The following PIK3R5 variants were observed in gnomAD, a reference collection of about 807,000 sequenced individuals.
PIK3R5 encodes phosphoinositide-3-kinase regulatory subunit 5, also known as phosphoinositide 3-kinase regulatory subunit 5.
In PIK3R5, 32 loss-of-function variants were observed where a neutral mutation model predicts 94.9. That is an observed-to-expected ratio of 0.34 (90% CI 0.25 to 0.45). The LOEUF (loss-of-function observed/expected upper bound fraction) is 0.45, where lower values mean the gene tolerates loss of function less well. PIK3R5 is among the 20% of genes least tolerant of loss of function. The pLI is 1.00. For missense variants in PIK3R5, 853 were observed against 1,144.6 expected (o/e 0.75, Z 3.68); for synonymous variants, 443 against 479.4 (o/e 0.92, Z 0.99).
rs1206583199 is a variant in PIK3R5 at position 8,889,312 on chromosome 17, G to C, written c.812-90C>G. 1 of 918,432 alleles carries C rather than the reference G, an allele frequency of 1.1e-6. No individual in the cohort carries two copies. Among genetic ancestry groups the C allele is most frequent in the Non-Finnish European group, 1.7e-6 (1 of 591,658 alleles). 56.9% of individuals were successfully genotyped at this position (918,432 alleles called of 1,614,324 possible). On this transcript the variant is annotated intron_variant, in intron 8 of 18. Coordinates refer to ENST00000447110, the MANE Select transcript of PIK3R5 (RefSeq NM_001142633.3). This position sits in a 1 kb window ranked among gnomAD's most constrained non-coding sequence, Gnocchi z 4.1. Reference sequence around the variant, plus strand: ...TCCCCTTGCCTTGGAGAAGAGACCAGAGATGGGACAGGATCGGCACAAGGA... The same window carrying C: ...TCCCCTTGCCTTGGAGAAGAGACCACAGATGGGACAGGATCGGCACAAGGA...
chr17:8,938,810 T>G (rs1193683851), intron 1 of PIK3R5, among the ~76,000 whole-genome samples: 1 of 152,248 alleles, frequency 6.6e-6, no homozygotes, highest in African/African-American at 2.4e-5. Context: ...GTAATTTTAT[T>G]TCTCAAATGC....
chr17:8,930,378 A>C (rs1187187001), intron 1 of PIK3R5, among the ~76,000 whole-genome samples: 4 of 152,260 alleles, frequency 2.6e-5, no homozygotes, highest in South Asian at 4.1e-4. Flanking sequence ...AGAAATCCAA[A>C]AATTCACTGA....
At chr17:8,937,347 T>G (rs1267470988) in intron 1 of PIK3R5, among the ~76,000 whole-genome samples, 3 of 152,248 alleles carry the variant, frequency 2.0e-5, no homozygotes, top group African/African-American at 7.2e-5. Flanking sequence ...GGAAAACATC[T>G]AGTTTCTCAC....
In PIK3R5 at chr17:8,925,975, A is replaced by G. The variant is rs1040841526; in HGVS notation, c.-13-14468T>C. Reference sequence around the variant, plus strand: ...TGGGAGTTCACATGGTGCTGTGGTCACTGAGGCTGTGAACCATGTGAAGCG... The same window carrying G: ...TGGGAGTTCACATGGTGCTGTGGTCGCTGAGGCTGTGAACCATGTGAAGCG... On this transcript the variant is annotated intron_variant, in intron 1 of 18. Coordinates refer to ENST00000447110, the MANE Select transcript of PIK3R5 (RefSeq NM_001142633.3). This position sits in a 1 kb window ranked among gnomAD's most constrained non-coding sequence, Gnocchi z 5.1. 6.6e-6 allele frequency among the ~76,000 whole-genome samples: 1 copy of G among 152,234 alleles called. No homozygotes were observed. The highest frequency in any genetic ancestry group is 2.4e-5 in the African/African-American group (1 of 41,460).
In PIK3R5 at chr17:8,886,520, C is replaced by T; in HGVS notation, c.1991G>A (p.Arg664His). Residue 664 changes from arginine (R) to histidine (H), a missense_variant, in exon 13 of 19, where the codon CGC becomes CAC. Transcript: ENST00000447110. ...CAGCAGCACCGGTCTGGCGGCAAAG[C>T]GGCAGTAGTAGAGTAGCATGTCAGC... ...ILADMLLYYC[R>H]FAARPVLLQV... The T allele has an allele frequency of 1.2e-6, 2 of 1,611,814 alleles. No homozygotes were observed. Among genetic ancestry groups the T allele is most frequent in the Non-Finnish European group, 1.7e-6 (2 of 1,178,866 alleles).
At chr17:8,921,030 C>T (rs1044132074) in intron 1 of PIK3R5, among the ~76,000 whole-genome samples, 2 of 151,798 alleles carry the variant, frequency 1.3e-5, no homozygotes, top group Non-Finnish European at 2.9e-5. Context: ...TTAGTAGAGA[C>T]GGGTTTCACC....
In PIK3R5 at chr17:8,904,762, T is replaced by A; in HGVS notation, c.412+15A>T. 5 of 1,613,240 alleles carry A rather than the reference T, an allele frequency of 3.1e-6. No homozygotes were observed. Among genetic ancestry groups the A allele is most frequent in the Non-Finnish European group, 4.2e-6 (5 of 1,179,358 alleles). On this transcript the variant is annotated intron_variant, in intron 5 of 18. Coordinates refer to ENST00000447110, the MANE Select transcript of PIK3R5 (RefSeq NM_001142633.3). The surrounding 1 kb of genome is among the most constrained non-coding windows in gnomAD (Gnocchi z 5.1). ...TCTGAGCCCTGTCCCCCGTGCCAGCTGCCTCAGTGCTTACCTGGGGCCTTG... is the reference window on the plus strand; with the variant it reads ...TCTGAGCCCTGTCCCCCGTGCCAGCAGCCTCAGTGCTTACCTGGGGCCTTG...
At chr17:8,936,236 G>A (rs987233370) in intron 1 of PIK3R5, among the ~76,000 whole-genome samples, 4 of 152,054 alleles carry the variant, frequency 2.6e-5, no homozygotes, top group South Asian at 2.1e-4. Context: ...CGGTTCATTC[G>A]TTAAAATTAA....
intron 1 of PIK3R5, among the ~76,000 whole-genome samples, chr17:8,917,202 G>A (rs1180856943): frequency 6.6e-6 from 1 of 152,202 alleles, no homozygotes; most frequent in East Asian, 1.9e-4. Flanking sequence ...GGGTGGATAG[G>A]ATCAAGGAAT....
chr17:8,924,178 A>C (rs893410188), intron 1 of PIK3R5, among the ~76,000 whole-genome samples: 2 of 150,664 alleles, frequency 1.3e-5, no homozygotes, highest in Admixed American at 6.6e-5. Flanking sequence ...TCCTGGGCTC[A>C]AGCGATCCTC....
Position 8,911,640 on chromosome 17 carries a change from C to G in PIK3R5, c.-13-133G>C, listed in dbSNP as rs910607756. The G allele has an allele frequency of 2.7e-5, 17 of 624,178 alleles. No homozygotes were observed. The highest frequency in any genetic ancestry group is 4.8e-5 in the Non-Finnish European group (17 of 356,590). 38.7% of individuals were successfully genotyped at this position (624,178 alleles called of 1,614,324 possible). On this transcript the variant is annotated intron_variant, in intron 1 of 18. Transcript: ENST00000447110. This position sits in a 1 kb window ranked among gnomAD's most constrained non-coding sequence, Gnocchi z 5.3. Reference sequence around the variant, plus strand: ...AGCTATAGCTCAGGTGCTGTGGAAACAGGACCAGGGGCCTTACAGCTGCCT... The same window carrying G: ...AGCTATAGCTCAGGTGCTGTGGAAAGAGGACCAGGGGCCTTACAGCTGCCT...
intron 1 of PIK3R5, among the ~76,000 whole-genome samples, chr17:8,951,978 G>C (rs978006253): frequency 4.6e-5 from 7 of 152,204 alleles, no homozygotes; most frequent in Admixed American, 3.9e-4. Context: ...CATGCTTTTA[G>C]AAGGAAGAGG....
intron 5 of PIK3R5, among the ~76,000 whole-genome samples, chr17:8,902,083 G>A (rs981944258): frequency 6.6e-6 from 1 of 151,618 alleles, no homozygotes. Flanking sequence ...GGGGGAAGAA[G>A]AGTCTTGCTC....
At chr17:8,961,583 C>T (rs551720447) in intron 1 of PIK3R5, among the ~76,000 whole-genome samples, 119 of 152,024 alleles carry the variant, frequency 7.8e-4, no homozygotes, top group Non-Finnish European at 1.2e-3. Context: ...TGCAGTGAGC[C>T]GAGATCACGG....
Position 8,888,424 on chromosome 17 carries a change from G to C in PIK3R5, c.1363C>G (p.Arg455Gly), listed in dbSNP as rs757235159. 2.5e-6 allele frequency: 4 copies of C among 1,596,110 alleles called. No individual in the cohort carries two copies. The highest frequency in any genetic ancestry group is 2.6e-6 in the Non-Finnish European group (3 of 1,172,926). ...AGGGGGCTGCAGAGGCTCCCTGCCCGCCTCAGGGGCAGGGCCGTGTCCGAG... is the reference window on the plus strand; with the variant it reads ...AGGGGGCTGCAGAGGCTCCCTGCCCCCCTCAGGGGCAGGGCCGTGTCCGAG... ...GSSDTALPLR[R>G]AGSLCSPLDE... Residue 455 changes from arginine (R) to glycine (G), a missense_variant, in exon 10 of 19, where the codon CGG becomes GGG. This residue lies in a region of PIK3R5 where 319 missense variants were observed against 339.8 expected (regional missense o/e 0.94). Transcript: ENST00000447110. The surrounding 1 kb of genome is among the most constrained non-coding windows in gnomAD (Gnocchi z 7.8).
At chr17:8,961,056 G>A (rs1022520248) in intron 1 of PIK3R5, among the ~76,000 whole-genome samples, 1 of 152,088 alleles carries the variant, frequency 6.6e-6, no homozygotes, top group African/African-American at 2.4e-5. Context: ...GACATAGAAA[G>A]CACAATGAAG....
intron 1 of PIK3R5, among the ~76,000 whole-genome samples, chr17:8,926,896 A>G (rs2090893670): frequency 6.6e-6 from 1 of 151,720 alleles, no homozygotes; most frequent in African/African-American, 2.4e-5. Context: ...TTTTTATCAC[A>G]TAGATAACAG....
chr17:8,933,595 CCAAA>C (rs1277277563), intron 1 of PIK3R5, among the ~76,000 whole-genome samples: 1 of 152,026 alleles, frequency 6.6e-6, no homozygotes, highest in African/African-American at 2.4e-5. Flanking sequence ...AAGAACACTA[CCAAA>C]CAAAGAATAG....
chr17:8,894,384 C>T (rs2090101172), intron 5 of PIK3R5, among the ~76,000 whole-genome samples: 1 of 152,152 alleles, frequency 6.6e-6, no homozygotes. Flanking sequence ...TGCCTTAGCT[C>T]CAGCCAGGCA....
Sources: allele counts gnomAD v4.1 joint callset (sites outside exome capture counted in the v4.1 genomes callset), GRCh38; gene constraint gnomAD v4.1.1; regional missense constraint gnomAD v4.1.1; non-coding constraint Gnocchi (gnomAD v3.1); transcripts MANE v1.5; gene names NCBI Gene and HGNC (gene_info 2026-07-23, HGNC 2026-07-21).